Variants in PPP2R2A observed in about 807,000 individuals in gnomAD.
The protein encoded by PPP2R2A is protein phosphatase 2 regulatory subunit Balpha.
A neutral mutation model predicts 53.2 loss-of-function variants in PPP2R2A; 9 were observed. The observed-to-expected ratio is 0.17, with a 90% CI of 0.10 to 0.30. PPP2R2A has a LOEUF of 0.30. PPP2R2A is among the 10% of genes least tolerant of loss of function. The probability of loss-of-function intolerance (pLI) is 1.00; values close to 1 mark genes in which losing one functional copy is unlikely to be tolerated. For synonymous variants in PPP2R2A, 169 were observed against 174.2 expected (o/e 0.97, Z 0.23); for missense variants, 235 against 534.6 (o/e 0.44, Z 5.53).
At chr8:26,291,944 A>G (rs1801315417) in intron 1 of PPP2R2A, 118 bp downstream of exon 1, 2 of 711,418 alleles carry the variant, frequency 2.8e-6, no homozygotes, top group Non-Finnish European at 4.2e-6. Flanking sequence ...CTCGGGTTTG[A>G]GGGAGTAGGG....
chr8:26,312,259 T>A (rs1157713541), intron 2 of PPP2R2A, among the ~76,000 whole-genome samples: 1 of 152,248 alleles, frequency 6.6e-6, no homozygotes, highest in Non-Finnish European at 1.5e-5. Context: ...AAGAGTTGTA[T>A]TGGCCTGATA....
chr8:26,336,832 C>T (rs1803687576), intron 2 of PPP2R2A, among the ~76,000 whole-genome samples: 1 of 150,790 alleles, frequency 6.6e-6, no homozygotes, highest in African/African-American at 2.4e-5. Flanking sequence ...TGCACCACTG[C>T]ACTCCAGCCT....
intron 3 of PPP2R2A, among the ~76,000 whole-genome samples, chr8:26,349,256 G>C (rs1453419296): frequency 6.6e-6 from 1 of 151,258 alleles, no homozygotes; most frequent in Non-Finnish European, 1.5e-5. Flanking sequence ...GTTTTGTTGG[G>C]GATTTTTGTT....
chr8:26,302,707 ATTG>A (rs986481218), intron 2 of PPP2R2A, among the ~76,000 whole-genome samples: 3 of 152,252 alleles, frequency 2.0e-5, no homozygotes, highest in Admixed American at 6.5e-5. Flanking sequence ...GACAGAATAT[ATTG>A]TGGTGCAGTA....
At chr8:26,369,543 A>G (rs1805562730) in intron 9 of PPP2R2A, among the ~76,000 whole-genome samples, 1 of 152,000 alleles carries the variant, frequency 6.6e-6, no homozygotes, top group South Asian at 2.1e-4. Flanking sequence ...GGTGCCTGCC[A>G]CCACGCCAGG....
rs543382401 is a variant in PPP2R2A at position 26,362,074 on chromosome 8, A to G, written c.638-610A>G. The stretch of plus-strand genomic sequence containing the variant: ...AGATTAAGATTAATTTTAAGATTAG[A>G]AAAAGATTAATAATTAGATTAGATT... On this transcript the variant is annotated intron_variant, in intron 6 of 9. Coordinates refer to ENST00000380737, the MANE Select transcript of PPP2R2A (RefSeq NM_002717.4). This position sits in a 1 kb window ranked among gnomAD's most constrained non-coding sequence, Gnocchi z 4.4. 5.3e-5 allele frequency among the ~76,000 whole-genome samples: 8 copies of G among 150,710 alleles called. No homozygotes were observed. The highest frequency in any genetic ancestry group is 1.9e-4 in the African/African-American group (8 of 41,328).
chr8:26,324,642 C>T (rs1162929933), intron 2 of PPP2R2A, among the ~76,000 whole-genome samples: 4 of 149,562 alleles, frequency 2.7e-5, no homozygotes, highest in Admixed American at 6.6e-5. Context: ...GGCATTGCCT[C>T]GCCAAGCTGT....
chr8:26,356,073 G>C (rs1399070512), intron 4 of PPP2R2A, among the ~76,000 whole-genome samples: 1 of 152,110 alleles, frequency 6.6e-6, no homozygotes, highest in Non-Finnish European at 1.5e-5. Flanking sequence ...AAAAATTTGT[G>C]ATTAAAACTT....
chr8:26,332,351 A>G (rs1803426755), intron 2 of PPP2R2A, among the ~76,000 whole-genome samples: 1 of 141,404 alleles, frequency 7.1e-6, no homozygotes, highest in African/African-American at 2.7e-5. Flanking sequence ...ACAGAGCAAG[A>G]CTCTTTTGTC....
intron 2 of PPP2R2A, among the ~76,000 whole-genome samples, chr8:26,334,560 A>G (rs1803554915): frequency 6.6e-6 from 1 of 152,162 alleles, no homozygotes; most frequent in East Asian, 1.9e-4. Context: ...CCTGGCTAAC[A>G]CGGTGAAACC....
Position 26,327,656 on chromosome 8 carries a change from A to G in PPP2R2A, c.83-11234A>G, listed in dbSNP as rs146635568. Among the ~76,000 whole-genome samples, 5 of 152,290 alleles carry G rather than the reference A, an allele frequency of 3.3e-5. No homozygotes were observed. In the East Asian group the frequency reaches 7.7e-4, roughly 24 times the overall value. ...TGGTCTGTAGGGAAATCATTTTACA[A>G]TGATTAGCTAAGCTACCTTTCAGCA... On this transcript the variant is annotated intron_variant, in intron 2 of 9. Transcript: ENST00000380737.
At chr8:26,291,925 A>G (rs1240644363) in intron 1 of PPP2R2A, 99 bp downstream of exon 1, 2 of 1,145,564 alleles carry the variant, frequency 1.7e-6, no homozygotes, top group Non-Finnish European at 2.4e-6. Context: ...GCAGAGCCAC[A>G]GGGCGCCCCT....
chr8:26,327,846 G>A (rs1423580983), intron 2 of PPP2R2A, among the ~76,000 whole-genome samples: 1 of 152,178 alleles, frequency 6.6e-6, no homozygotes, highest in Non-Finnish European at 1.5e-5. Flanking sequence ...AGAAGATCAT[G>A]AAAATGGGTC....
intron 9 of PPP2R2A, among the ~76,000 whole-genome samples, chr8:26,369,483 C>G (rs1014097573): frequency 3.9e-5 from 6 of 152,066 alleles, no homozygotes; most frequent in Non-Finnish European, 1.5e-5. Context: ...CTCCACCTCC[C>G]GGGTTCACAC....
chr8:26,343,530 C>A (rs1242907319), intron 3 of PPP2R2A, among the ~76,000 whole-genome samples: 1 of 151,920 alleles, frequency 6.6e-6, no homozygotes, highest in Admixed American at 6.6e-5. Context: ...CACCACCACA[C>A]CTGGCTAATT....
chr8:26,329,406 A>T lies in PPP2R2A; in HGVS notation c.83-9484A>T, dbSNP rs535891574. On this transcript the variant is annotated intron_variant, in intron 2 of 9. Transcript: ENST00000380737. Reference sequence around the variant, plus strand: ...TTTTTTCAACTCCTTATTCCTAATAACCCTGAAATTGTAAAGTTAAAATCT... The same window carrying T: ...TTTTTTCAACTCCTTATTCCTAATATCCCTGAAATTGTAAAGTTAAAATCT... Among the ~76,000 whole-genome samples, 20 of 152,000 alleles carry T rather than the reference A, an allele frequency of 1.3e-4. No individual in the cohort carries two copies. In the South Asian group the frequency reaches 4.2e-3, roughly 32 times the overall value.
At position 26,297,727 on chromosome 8, in the gene PPP2R2A, TAAAAC is replaced by T. The variant is rs1014580412; in HGVS notation, c.82+3989_82+3993del. Among the ~76,000 whole-genome samples the T allele has an allele frequency of 2.2e-4, 33 of 152,228 alleles. 2 individuals carry two copies. The highest frequency in any genetic ancestry group is 4.3e-4 in the African/African-American group (18 of 41,540). On this transcript the variant is annotated intron_variant, in intron 2 of 9. Coordinates refer to ENST00000380737, the MANE Select transcript of PPP2R2A (RefSeq NM_002717.4). ...TGATGATTAAATGAGTTTATACACA[TAAAAC>T]AGAACAGTACCCAGCAGAAAAGAGC...
chr8:26,351,122 C>T (rs1170350712), intron 3 of PPP2R2A, among the ~76,000 whole-genome samples: 2 of 151,970 alleles, frequency 1.3e-5, no homozygotes, highest in Non-Finnish European at 2.9e-5. Flanking sequence ...TACAGTTGAT[C>T]AGTATTTTTC....
At chr8:26,335,367 T>A (rs1220570123) in intron 2 of PPP2R2A, among the ~76,000 whole-genome samples, 1 of 152,186 alleles carries the variant, frequency 6.6e-6, no homozygotes, top group African/African-American at 2.4e-5. Flanking sequence ...TTCTCTTTTG[T>A]TTAAGGGAGA....
Sources: gnomAD v4.1 joint callset for allele counts (sites outside exome capture counted in the v4.1 genomes callset) on GRCh38, gnomAD v4.1.1 for gene constraint, Gnocchi (gnomAD v3.1) non-coding constraint, MANE v1.5 for transcripts, NCBI Gene and HGNC (gene_info 2026-07-23, HGNC 2026-07-21) for gene names.